Variants in CATSPER3 observed in about 807,000 individuals in gnomAD.
CATSPER3 encodes the protein cation channel sperm-associated protein 3.
Under a neutral mutation model 36.6 loss-of-function variants are expected in CATSPER3, and 23 were observed. The observed-to-expected ratio is 0.63, with a 90% CI of 0.45 to 0.89. CATSPER3 has a LOEUF of 0.89. Among genes scored for constraint, CATSPER3 ranks in the 40% least tolerant of loss-of-function variants. CATSPER3 has a pLI of 0.00. For missense variants in CATSPER3, 474 were observed against 503.9 expected (o/e 0.94, Z 0.57); for synonymous variants, 172 against 184.1 (o/e 0.93, Z 0.53).
At chr5:134,980,006 A>G (rs1297307412) in intron 2 of CATSPER3, among the ~76,000 whole-genome samples, 1 of 120,554 alleles carries the variant, frequency 8.3e-6, no homozygotes, top group Non-Finnish European at 1.9e-5. Context: ...TTTTGAGACA[A>G]AGTCTTACTC....
chr5:134,999,503 A>G (rs1375675135), intron 3 of CATSPER3, among the ~76,000 whole-genome samples: 5 of 152,154 alleles, frequency 3.3e-5, no homozygotes, highest in African/African-American at 1.2e-4. Context: ...CTTGGGCAGT[A>G]TGGCCATTTT....
At position 134,996,453 on chromosome 5, in the gene CATSPER3, G is replaced by A. The variant is rs114447625; in HGVS notation, c.433G>A (p.Ala145Thr). 0.026 allele frequency: 42,548 copies of A among 1,614,022 alleles called. 723 individuals carry two copies. The highest frequency in any genetic ancestry group is 0.032 in the Non-Finnish European group (37,357 of 1,179,904). ...MGKQFTYLYI[A>T]DGMQSLRILK... ...CAAACAGTTCACTTACCTGTATATCGCTGATGGCATGCAGTCCCTGCGCAT... is the reference window on the plus strand; with the variant it reads ...CAAACAGTTCACTTACCTGTATATCACTGATGGCATGCAGTCCCTGCGCAT... Residue 145 changes from alanine (A) to threonine (T), a missense_variant, in exon 3 of 8, where the codon GCT becomes ACT. Ala to Thr is a moderately conservative substitution (Grantham distance 58, BLOSUM62 0). Coordinates refer to ENST00000282611, the MANE Select transcript of CATSPER3 (RefSeq NM_178019.3).
Position 134,981,158 on chromosome 5 carries a change from C to A in CATSPER3, c.252+11066C>A, listed in dbSNP as rs62380039. On this transcript the variant is annotated intron_variant, in intron 2 of 7. Coordinates refer to ENST00000282611, the MANE Select transcript of CATSPER3 (RefSeq NM_178019.3). ...TTTTCCCCAAACCCTCTCTCTCTCT[C>A]CCTTTTTTCCTTCTTTCTTTTTGCT... 8.5e-5 allele frequency among the ~76,000 whole-genome samples: 13 copies of A among 152,130 alleles called. No homozygotes were observed. In the East Asian group the frequency reaches 2.5e-3, roughly 29 times the overall value.
At chr5:134,985,894 G>A (rs1751802161) in intron 2 of CATSPER3, among the ~76,000 whole-genome samples, 2 of 151,592 alleles carry the variant, frequency 1.3e-5, no homozygotes, top group South Asian at 4.2e-4. Flanking sequence ...GCAAGATCTT[G>A]TCTCAAACAA....
chr5:135,008,755 G>A, intron 4 of CATSPER3, 86 bp from the exon 5 acceptor site: 2 of 1,192,434 alleles, frequency 1.7e-6, no homozygotes, highest in Non-Finnish European at 2.5e-6. Context: ...TCTCCTCAGT[G>A]GGCCTGGGAC....
intron 2 of CATSPER3, among the ~76,000 whole-genome samples, chr5:134,976,106 A>T (rs1406000330): frequency 6.6e-6 from 1 of 152,240 alleles, no homozygotes; most frequent in Non-Finnish European, 1.5e-5. Flanking sequence ...TAGTTTTTGC[A>T]TTGCTATAAA....
intron 2 of CATSPER3, among the ~76,000 whole-genome samples, chr5:134,991,541 G>A (rs1751879234): frequency 6.6e-6 from 1 of 152,124 alleles, no homozygotes. Flanking sequence ...CATTCAATGG[G>A]GAAAGAGTAG....
chr5:134,996,598 C>T, intron 3 of CATSPER3, 86 bp downstream of exon 3: 2 of 1,373,738 alleles, frequency 1.5e-6, no homozygotes, highest in Admixed American at 1.7e-5. Flanking sequence ...AATGACTCTA[C>T]TACCATCTTC....
chr5:134,984,284 C>T (rs985334812), intron 2 of CATSPER3, among the ~76,000 whole-genome samples: 11 of 151,998 alleles, frequency 7.2e-5, no homozygotes, highest in Non-Finnish European at 1.5e-4. Flanking sequence ...TAAATGGGAC[C>T]CGATTCAACT....
Position 134,996,386 on chromosome 5 carries a change from C to T in CATSPER3, c.366C>T (p.Ile122=). 1 of 1,614,246 alleles carries T rather than the reference C, an allele frequency of 6.2e-7. No individual in the cohort carries two copies. Among genetic ancestry groups the T allele is most frequent in the Non-Finnish European group, 8.5e-7 (1 of 1,180,040 alleles). The stretch of plus-strand genomic sequence containing the variant: ...ACAACCTGCTGGATGTGATCATTAT[C>T]ATCGTTATGTTTTTACCCTATGCCC... ...NGYNLLDVII[I]IVMFLPYALR... is the part of the protein sequence containing the mutation. Residue 122 remains isoleucine, a synonymous_variant, in exon 3 of 8, where the codon ATC becomes ATT. Transcript: ENST00000282611.
In CATSPER3 at chr5:134,973,289, T is replaced by TA. The variant is rs538883173; in HGVS notation, c.252+3198dup. 8.8e-4 allele frequency among the ~76,000 whole-genome samples: 134 copies of TA among 152,276 alleles called. 2 individuals are homozygous for TA. Among genetic ancestry groups the TA allele is most frequent in the African/African-American group, 2.8e-3 (115 of 41,576 alleles). ...TGAATGCATCATCTGACAGTGAAGATAGAGTATGACTAAAAAATGGGAGAC... is the reference window on the plus strand; with the variant it reads ...TGAATGCATCATCTGACAGTGAAGATAAGAGTATGACTAAAAAATGGGAGAC... On this transcript the variant is annotated intron_variant, in intron 2 of 7. Transcript: ENST00000282611.
In CATSPER3 at chr5:135,007,926, C is replaced by G. The variant is rs546009568; in HGVS notation, c.493-31C>G. 3 of 1,602,258 alleles carry G rather than the reference C, an allele frequency of 1.9e-6. No homozygotes were observed. In the East Asian group the frequency reaches 6.7e-5, roughly 36 times the overall value. The stretch of plus-strand genomic sequence containing the variant: ...TGGAGCCCACCCAGCTTGGTGGTAC[C>G]CTCGCCTACCACAGTGTCCCTGCCT... On this transcript the variant is annotated intron_variant, in intron 3 of 7. Transcript: ENST00000282611.
chr5:134,976,384 GC>G (rs1751674858), intron 2 of CATSPER3, among the ~76,000 whole-genome samples: 1 of 114,782 alleles, frequency 8.7e-6, no homozygotes, highest in South Asian at 3.0e-4. Context: ...CTGTTCTATT[GC>G]CTCTGCAACC....
chr5:134,999,700 C>T (rs906476097), intron 3 of CATSPER3, among the ~76,000 whole-genome samples: 1 of 152,156 alleles, frequency 6.6e-6, no homozygotes, highest in Non-Finnish European at 1.5e-5. Flanking sequence ...CATTATTTGG[C>T]TCTCTGTTTG....
intron 6 of CATSPER3, 128 bp downstream of exon 6, chr5:135,009,618 A>G (rs1041830868): frequency 1.4e-4 from 7 of 50,888 alleles, no homozygotes; most frequent in African/African-American, 5.2e-4. Context: ...AGCCTTAGGT[A>G]AGACAGCTGC....
chr5:134,995,047 T>C (rs1580910363), intron 2 of CATSPER3, among the ~76,000 whole-genome samples: 1 of 149,522 alleles, frequency 6.7e-6, no homozygotes, highest in Non-Finnish European at 1.5e-5. Context: ...TTCCTTCCAA[T>C]ACATATTAGA....
At chr5:134,989,832 G>A (rs550026949) in intron 2 of CATSPER3, among the ~76,000 whole-genome samples, 1 of 152,288 alleles carries the variant, frequency 6.6e-6, no homozygotes, top group South Asian at 2.1e-4. Flanking sequence ...TGGTGCAAGA[G>A]GTCTAGGTTT....
intron 3 of CATSPER3, among the ~76,000 whole-genome samples, chr5:135,003,841 C>T (rs181841244): frequency 1.3e-3 from 193 of 152,330 alleles, no homozygotes; most frequent in African/African-American, 4.3e-3. Context: ...ATTTTCCAGG[C>T]GCCGTCTGTC....
chr5:135,006,139 C>T (rs923758260), intron 3 of CATSPER3, among the ~76,000 whole-genome samples: 3 of 152,232 alleles, frequency 2.0e-5, no homozygotes, highest in African/African-American at 7.2e-5. Context: ...CTGGGCAACC[C>T]TCTCCTAGGA....
Sources: gnomAD v4.1 joint callset for allele counts (sites outside exome capture counted in the v4.1 genomes callset) on GRCh38, gnomAD v4.1.1 for gene constraint, MANE v1.5 for transcripts, NCBI Gene and HGNC (gene_info 2026-07-23, HGNC 2026-07-21) for gene names.